Variants in ACAD11 observed in about 807,000 individuals in gnomAD.
ACAD11 encodes acyl-Coenzyme A dehydrogenase family, member 11.
ACAD11 carries 83 observed loss-of-function variants against 102.2 expected under a neutral mutation model. The observed-to-expected ratio is 0.81, with a 90% confidence interval of 0.68 to 0.97. ACAD11 has a LOEUF of 0.97. Among genes scored for constraint, ACAD11 ranks in the 50% least tolerant of loss-of-function variants. The probability of loss-of-function intolerance (pLI) is 0.00; values close to 1 mark genes in which losing one functional copy is unlikely to be tolerated. For missense variants in ACAD11, 901 were observed against 951.7 expected (o/e 0.95, Z 0.70); for synonymous variants, 324 against 319.8 (o/e 1.01, Z -0.14).
intron 14 of ACAD11, chr3:132,579,137 T>C: frequency 8.4e-7 from 1 of 1,188,350 alleles, no homozygotes; most frequent in Non-Finnish European, 1.1e-6. Context: ...AACTGGGAAC[T>C]TATATATATA....
intron 11 of ACAD11, among the ~76,000 whole-genome samples, chr3:132,612,597 T>C (rs1025485228): frequency 6.6e-6 from 1 of 152,056 alleles, no homozygotes; most frequent in Non-Finnish European, 1.5e-5. Flanking sequence ...AAAGAAGACA[T>C]TTATGCAGCC....
chr3:132,569,159 A>G (rs1937305816), intron 17 of ACAD11, among the ~76,000 whole-genome samples: 1 of 152,208 alleles, frequency 6.6e-6, no homozygotes, highest in African/African-American at 2.4e-5. Flanking sequence ...AAGTAAAAAA[A>G]AAGTGATCTA....
intron 17 of ACAD11, among the ~76,000 whole-genome samples, chr3:132,574,171 G>A (rs1235671598): frequency 1.3e-5 from 2 of 152,182 alleles, no homozygotes; most frequent in Non-Finnish European, 2.9e-5. Flanking sequence ...TTGTGCATTC[G>A]CGATGCTTGT....
intron 13 of ACAD11, among the ~76,000 whole-genome samples, chr3:132,595,251 A>C (rs1938249554): frequency 6.6e-6 from 1 of 152,202 alleles, no homozygotes; most frequent in African/African-American, 2.4e-5. Flanking sequence ...AAGAGCCAGC[A>C]CAAAAGCCCT....
intron 7 of ACAD11, among the ~76,000 whole-genome samples, chr3:132,629,673 T>C (rs1939958899): frequency 1.3e-5 from 2 of 152,212 alleles, no homozygotes. Context: ...ATGGATAGCA[T>C]GAACTCTGAG....
chr3:132,646,269 G>C (rs992711068), intron 1 of ACAD11, among the ~76,000 whole-genome samples: 1 of 152,078 alleles, frequency 6.6e-6, no homozygotes, highest in African/African-American at 2.4e-5. Context: ...TGGCAACAAC[G>C]AATCTCACAA....
At chr3:132,566,042 T>C (rs1576545202) in intron 17 of ACAD11, among the ~76,000 whole-genome samples, 1 of 151,916 alleles carries the variant, frequency 6.6e-6, no homozygotes, top group Admixed American at 6.6e-5. Flanking sequence ...AAAGCAGCCA[T>C]GATAAAAATG....
chr3:132,586,886 A>T (rs1937860153), intron 13 of ACAD11, among the ~76,000 whole-genome samples: 1 of 152,224 alleles, frequency 6.6e-6, no homozygotes, highest in African/African-American at 2.4e-5. Context: ...TGAGGCCAGG[A>T]GTTCGAGACC....
intron 17 of ACAD11, among the ~76,000 whole-genome samples, chr3:132,567,507 T>C (rs1165739244): frequency 6.6e-6 from 1 of 150,408 alleles, no homozygotes; most frequent in African/African-American, 2.4e-5. Flanking sequence ...CAAAATGTAG[T>C]TCTAAAAATG....
chr3:132,600,347 T>A, intron 13 of ACAD11: 1 of 1,463,108 alleles, frequency 6.8e-7, no homozygotes, highest in Non-Finnish European at 9.1e-7. Flanking sequence ...CTTTTAAGCA[T>A]ATTTAGACAA....
At chr3:132,643,860 T>C (rs1346708411) in intron 2 of ACAD11, among the ~76,000 whole-genome samples, 2 of 152,130 alleles carry the variant, frequency 1.3e-5, no homozygotes, top group Non-Finnish European at 2.9e-5. Flanking sequence ...TCCAGATCCT[T>C]GGCAGCTGTA....
intron 11 of ACAD11, among the ~76,000 whole-genome samples, chr3:132,609,948 T>A (rs1018048850): frequency 6.6e-6 from 1 of 152,172 alleles, no homozygotes; most frequent in Non-Finnish European, 1.5e-5. Context: ...GTTGGCTTCA[T>A]CCCTGGGATG....
chr3:132,641,553 A>G (rs971945402), intron 4 of ACAD11, among the ~76,000 whole-genome samples: 1 of 111,774 alleles, frequency 8.9e-6, no homozygotes, highest in Admixed American at 8.6e-5. Flanking sequence ...CAAAATGATG[A>G]TGATGATGAA....
At chr3:132,639,462 T>G in intron 5 of ACAD11, 30 bp downstream of exon 5, 1 of 1,600,336 alleles carries the variant, frequency 6.2e-7, no homozygotes, top group Non-Finnish European at 8.5e-7. Flanking sequence ...ACAGACCTAC[T>G]CAATTAATTG....
At chr3:132,582,004 T>C (rs908954317) in intron 13 of ACAD11, among the ~76,000 whole-genome samples, 15 of 152,072 alleles carry the variant, frequency 9.9e-5, no homozygotes, top group African/African-American at 3.4e-4. Flanking sequence ...CTGATACAAG[T>C]TACAATAAGA....
At chr3:132,606,311 G>C (rs190645882) in intron 11 of ACAD11, among the ~76,000 whole-genome samples, 11 of 152,284 alleles carry the variant, frequency 7.2e-5, no homozygotes, top group South Asian at 6.2e-4. Flanking sequence ...GATTAACACA[G>C]CTTAACATTC....
chr3:132,619,119 C>T (rs1039744678), intron 10 of ACAD11, among the ~76,000 whole-genome samples: 15 of 152,262 alleles, frequency 9.9e-5, no homozygotes, highest in African/African-American at 3.4e-4. Flanking sequence ...TAATTTCTTA[C>T]ATGAATTGAT....
chr3:132,659,606 T>G lies in ACAD11; in HGVS notation c.146A>C (p.Tyr49Ser). ...EREATLTIAQYRAGKSNPTFY... is the reference protein window; with the variant it reads ...EREATLTIAQSRAGKSNPTFY... Reference sequence around the variant, plus strand: ...AGGCAAAGGCTGACATCCATACCTGTACTGGGCAATGGTCAGCGTAGCCTC... The same window carrying G: ...AGGCAAAGGCTGACATCCATACCTGGACTGGGCAATGGTCAGCGTAGCCTC... Residue 49 changes from tyrosine to serine, a missense_variant, in exon 1 of 20, where the codon TAC (tyrosine) becomes TCC (serine). By Grantham distance (144) the Tyr-to-Ser change is moderately radical. Coordinates refer to ENST00000264990, the MANE Select transcript of ACAD11 (RefSeq NM_032169.5). The G allele has an allele frequency of 6.2e-7, 1 of 1,611,634 alleles. No individual in the cohort carries two copies. The highest frequency in any genetic ancestry group is 1.1e-5 in the South Asian group (1 of 90,648).
chr3:132,578,967 G>T, intron 14 of ACAD11, 86 bp from the exon 15 acceptor site: 6 of 1,577,562 alleles, frequency 3.8e-6, no homozygotes, highest in Non-Finnish European at 5.2e-6. Flanking sequence ...TTGTCTTTTT[G>T]ATGTTTTCAT....
Sources: allele counts gnomAD v4.1 joint callset (sites outside exome capture counted in the v4.1 genomes callset), GRCh38; gene constraint gnomAD v4.1.1; transcripts MANE v1.5; gene names NCBI Gene and HGNC (gene_info 2026-07-23, HGNC 2026-07-21).